Variants in GXYLT2 observed in about 807,000 individuals in gnomAD.
GXYLT2 encodes glucoside xylosyltransferase 2.
A neutral mutation model predicts 45.8 loss-of-function variants in GXYLT2; 53 were observed. The observed-to-expected ratio is 1.16, with a 90% CI of 0.93 to 1.46. The LOEUF (loss-of-function observed/expected upper bound fraction) is 1.46. Ranked by LOEUF, GXYLT2 falls within the 40% of genes most tolerant of loss-of-function variation. The probability of loss-of-function intolerance (pLI) is 0.00; values close to 1 mark genes in which losing one functional copy is unlikely to be tolerated. For synonymous variants in GXYLT2, 219 were observed against 214.2 expected, an observed-to-expected ratio of 1.02 and a Z score of -0.19; for missense variants, 551 against 544.4, an observed-to-expected ratio of 1.01 and a Z score of -0.12.
chr3:72,942,626 G>A (rs1050541074), intron 3 of GXYLT2, among the ~76,000 whole-genome samples: 17 of 152,048 alleles, frequency 1.1e-4, no homozygotes, highest in Admixed American at 2.6e-4. Flanking sequence ...ATGCCCAGGC[G>A]TGTTTCACCT....
intron 3 of GXYLT2, among the ~76,000 whole-genome samples, chr3:72,925,868 TG>T (rs1265188696): frequency 5.3e-5 from 8 of 152,206 alleles, no homozygotes; most frequent in Admixed American, 1.3e-4. Flanking sequence ...CTTCTGATAA[TG>T]GAAACGAGCC....
intron 4 of GXYLT2, 98 bp downstream of exon 4, chr3:72,955,447 G>T: frequency 8.4e-7 from 1 of 1,184,476 alleles, no homozygotes; most frequent in Non-Finnish European, 1.2e-6. Flanking sequence ...TTGGAAATTG[G>T]GTGGCCTATA....
At chr3:72,919,419 T>C (rs1709792233) in intron 2 of GXYLT2, among the ~76,000 whole-genome samples, 1 of 151,758 alleles carries the variant, frequency 6.6e-6, no homozygotes, top group Admixed American at 6.6e-5. Context: ...ATTCTAACTA[T>C]ATCACATTCT....
chr3:72,946,276 GAAAAAAAAAAAA>G lies in GXYLT2; in HGVS notation c.601-8805_601-8794del, dbSNP rs57450041. On this transcript the variant is annotated intron_variant, in intron 3 of 6. Coordinates refer to ENST00000389617, the MANE Select transcript of GXYLT2 (RefSeq NM_001080393.2). ...TGGGTGACAGAGCAAGACCCTGTCT[GAAAAAAAAAAAA>G]AAAAAAAAAAAAAAAAGGATGTCAT... Among the ~76,000 whole-genome samples the G allele has an allele frequency of 5.1e-3, 304 of 59,482 alleles. 2 individuals carry two copies. Among genetic ancestry groups the G allele is most frequent in the African/African-American group, 0.014 (274 of 19,848 alleles). 39.0% of individuals were successfully genotyped at this position (59,482 alleles called of 152,430 possible). A position where few individuals can be genotyped will look rare whatever the true frequency, so the allele number is the denominator to read the frequency against.
chr3:72,921,124 T>G (rs1172023403), intron 2 of GXYLT2, among the ~76,000 whole-genome samples: 1 of 151,790 alleles, frequency 6.6e-6, no homozygotes, highest in African/African-American at 2.4e-5. Flanking sequence ...CCCGGCCTCA[T>G]GCATATATTT....
intron 3 of GXYLT2, among the ~76,000 whole-genome samples, chr3:72,954,131 G>A (rs1710578329): frequency 6.6e-6 from 1 of 151,972 alleles, no homozygotes; most frequent in African/African-American, 2.4e-5. Context: ...TTGAAATGGA[G>A]TCTTGCTCTG....
In GXYLT2 at chr3:72,953,802, A is replaced by T. The variant is rs149278898; in HGVS notation, c.601-1296A>T. On this transcript the variant is annotated intron_variant, in intron 3 of 6. Transcript: ENST00000389617. The stretch of plus-strand genomic sequence containing the variant: ...TCCCAAGACCAAGTCTTAGCTAAAA[A>T]TACATTTTAGGCGGGTCACAGTGAC... 4.0e-3 allele frequency among the ~76,000 whole-genome samples: 604 copies of T among 152,328 alleles called. 3 individuals carry two copies. Among genetic ancestry groups the T allele is most frequent in the African/African-American group, 0.013 (560 of 41,584 alleles).
intron 2 of GXYLT2, among the ~76,000 whole-genome samples, chr3:72,911,018 G>A (rs938130554): frequency 3.3e-5 from 5 of 152,076 alleles, no homozygotes; most frequent in Non-Finnish European, 5.9e-5. Context: ...AGGGCCAGGC[G>A]TGGTGGCTCA....
chr3:72,954,637 A>T (rs1425614673), intron 3 of GXYLT2, among the ~76,000 whole-genome samples: 2 of 135,942 alleles, frequency 1.5e-5, no homozygotes, highest in Non-Finnish European at 3.1e-5. Flanking sequence ...CTCCATCTCA[A>T]AAATAAATAA....
chr3:72,933,439 C>T (rs574813163), intron 3 of GXYLT2, among the ~76,000 whole-genome samples: 1 of 152,186 alleles, frequency 6.6e-6, no homozygotes, highest in African/African-American at 2.4e-5. Context: ...TCTTACGAAG[C>T]CTAGTGTAAG....
chr3:72,916,614 A>G (rs1259804828), intron 2 of GXYLT2, among the ~76,000 whole-genome samples: 1 of 151,994 alleles, frequency 6.6e-6, no homozygotes, highest in Non-Finnish European at 1.5e-5. Context: ...ATCTCCACTC[A>G]CTGCAACCTC....
chr3:72,963,702 C>T (rs1291714549), intron 5 of GXYLT2, among the ~76,000 whole-genome samples: 1 of 125,688 alleles, frequency 8.0e-6, no homozygotes, highest in African/African-American at 3.0e-5. Flanking sequence ...ACAAGAGTTT[C>T]ACTGTTGTTG....
chr3:72,929,005 G>A (rs1709973454), intron 3 of GXYLT2: 12 of 1,255,686 alleles, frequency 9.6e-6, no homozygotes, highest in Non-Finnish European at 1.3e-5. Context: ...CCGCTCCAGC[G>A]CCGCGCAGCC....
At chr3:72,963,352 T>A (rs2107150688) in intron 5 of GXYLT2, among the ~76,000 whole-genome samples, 1 of 151,836 alleles carries the variant, frequency 6.6e-6, no homozygotes, top group African/African-American at 2.4e-5. Context: ...GCGGGCAGAT[T>A]ACTTGAGATA....
intron 3 of GXYLT2, among the ~76,000 whole-genome samples, chr3:72,942,473 T>C (rs2107126467): frequency 6.6e-6 from 1 of 152,254 alleles, no homozygotes; most frequent in Middle Eastern, 3.4e-3. Context: ...AAACATGATA[T>C]TTGTATGATT....
rs1328995490 is a variant in GXYLT2, at chr3:72,922,217, C to T, written c.482C>T (p.Pro161Leu). The change falls in exon 3 of 7, where the codon CCT becomes CTT. Residue 161 changes from proline (P) to leucine (L), a missense_variant. By Grantham distance (98) the Pro-to-Leu change is moderately conservative. Coordinates refer to ENST00000389617, the MANE Select transcript of GXYLT2 (RefSeq NM_001080393.2). ...CATGTTTTTCAGTTACGCCAGTGGC[C>T]TGACTCATATACAAAGAAGTTTGAG... ...PEFDKQLRQW[P>L]DSYTKKFEHR... 1 of 1,613,462 alleles carries T rather than the reference C, an allele frequency of 6.2e-7. No individual in the cohort carries two copies. Among genetic ancestry groups the T allele is most frequent in the Non-Finnish European group, 8.5e-7 (1 of 1,179,642 alleles).
intron 3 of GXYLT2, among the ~76,000 whole-genome samples, chr3:72,936,912 G>A (rs545362983): frequency 7.9e-5 from 12 of 152,244 alleles, no homozygotes; most frequent in African/African-American, 2.9e-4. Context: ...TTCTTCCAGG[G>A]TAGGAAGTTA....
At chr3:72,965,975 T>C (rs1360001331) in intron 5 of GXYLT2, among the ~76,000 whole-genome samples, 2 of 152,070 alleles carry the variant, frequency 1.3e-5, no homozygotes, top group African/African-American at 4.8e-5. Flanking sequence ...GGTGGGGTTT[T>C]TTTGTTGTGT....
At chr3:72,931,903 A>G (rs762029949) in intron 3 of GXYLT2, among the ~76,000 whole-genome samples, 48 of 152,188 alleles carry the variant, frequency 3.2e-4, no homozygotes, top group Non-Finnish European at 4.9e-4. Context: ...GAGCTAGAAA[A>G]CAAGGGAAGA....
Sources: allele counts gnomAD v4.1 joint callset (sites outside exome capture counted in the v4.1 genomes callset), GRCh38; gene constraint gnomAD v4.1.1; transcripts MANE v1.5; gene names NCBI Gene and HGNC (gene_info 2026-07-23, HGNC 2026-07-21).